Variants in SULT4A1 observed in about 807,000 individuals in gnomAD.
The protein encoded by SULT4A1 is sulfotransferase family 4A member 1, also known as sulfotransferase 4A1.
Under a neutral mutation model 35.2 loss-of-function variants are expected in SULT4A1, and 11 were observed. The observed-to-expected ratio is 0.31, with a 90% CI of 0.20 to 0.52. The LOEUF is 0.52. Among genes scored for constraint, SULT4A1 ranks in the 20% least tolerant of loss-of-function variants. The pLI, the probability that SULT4A1 is intolerant of heterozygous loss-of-function variation, is 0.97. For synonymous variants in SULT4A1, 152 were observed against 151.8 expected, an observed-to-expected ratio of 1.00 and a Z score of -0.01; for missense variants, 271 against 383.7, an observed-to-expected ratio of 0.71 and a Z score of 2.45.
chr22:43,856,482 TGGA>T (rs1251084764), intron 1 of SULT4A1, among the ~76,000 whole-genome samples: 2 of 152,080 alleles, frequency 1.3e-5, no homozygotes, highest in Non-Finnish European at 2.9e-5. Context: ...CCCAGCAACA[TGGA>T]GCCTGCAGAA....
intron 1 of SULT4A1, among the ~76,000 whole-genome samples, chr22:43,860,989 G>C (rs975630377): frequency 6.6e-6 from 1 of 152,168 alleles, no homozygotes; most frequent in Non-Finnish European, 1.5e-5. Context: ...GTCCCTCACA[G>C]ATTAACAGCG....
intron 1 of SULT4A1, among the ~76,000 whole-genome samples, chr22:43,851,439 C>T (rs569088274): frequency 1.3e-5 from 2 of 152,252 alleles, no homozygotes; most frequent in East Asian, 3.9e-4. Flanking sequence ...AGACTCGCTA[C>T]CTGGTGATCT....
chr22:43,829,449 G>A (rs1275498444), intron 5 of SULT4A1, among the ~76,000 whole-genome samples: 1 of 152,224 alleles, frequency 6.6e-6, no homozygotes, highest in Non-Finnish European at 1.5e-5. Flanking sequence ...GCAGACATGA[G>A]GTCTTAATAG....
chr22:43,844,628 C>A (rs945960209), intron 1 of SULT4A1, among the ~76,000 whole-genome samples: 1 of 152,244 alleles, frequency 6.6e-6, no homozygotes, highest in African/African-American at 2.4e-5. Context: ...GAGCTCTGCA[C>A]ACCTGGTGCG....
At chr22:43,848,561 C>G (rs908884842) in intron 1 of SULT4A1, among the ~76,000 whole-genome samples, 2 of 152,228 alleles carry the variant, frequency 1.3e-5, no homozygotes, top group Non-Finnish European at 2.9e-5. Context: ...GGAAACAAGG[C>G]ACTGGGAAGT....
At chr22:43,842,975 ATCTCTCTC>A (rs695712) in intron 1 of SULT4A1, among the ~76,000 whole-genome samples, 2,389 of 144,582 alleles carry the variant, frequency 0.017, 30 homozygotes, top group Middle Eastern at 0.024. Context: ...AGTAAACAGC[ATCTCTCTC>A]TCTCTCTCTC....
In SULT4A1 at chr22:43,831,126, C is replaced by T. The variant is rs146433741; in HGVS notation, c.604-1928G>A. 2.5e-3 allele frequency among the ~76,000 whole-genome samples: 380 copies of T among 152,282 alleles called. 2 individuals are homozygous for T. The highest frequency in any genetic ancestry group is 0.014 in the Middle Eastern group (4 of 294). ...GCAGGGCTGGTGGCCTTGACCCTGA[C>T]GGACTGAAAGCAACAGGTCTGACCA... On this transcript the variant is annotated intron_variant, in intron 5 of 6. Coordinates refer to ENST00000330884, the MANE Select transcript of SULT4A1 (RefSeq NM_014351.4).
chr22:43,830,652 G>T (rs1213575434), intron 5 of SULT4A1, among the ~76,000 whole-genome samples: 1 of 152,262 alleles, frequency 6.6e-6, no homozygotes, highest in Non-Finnish European at 1.5e-5. Context: ...CACGGTTGCA[G>T]TCAGGGCACC....
At position 43,841,622 on chromosome 22, in the gene SULT4A1, C is replaced by T. The variant is rs966234648; in HGVS notation, c.300+180G>A. On this transcript the variant is annotated intron_variant, in intron 2 of 6. Coordinates refer to ENST00000330884, the MANE Select transcript of SULT4A1 (RefSeq NM_014351.4). ...CTCCCTGACGCTGATGTGTCACCCA[C>T]GCCCTCATCGGGTTCCAGGTCACTG... Among the ~76,000 whole-genome samples the T allele has an allele frequency of 5.9e-5, 9 of 152,146 alleles. No individual in the cohort carries two copies. In the East Asian group the frequency reaches 9.7e-4, roughly 16 times the overall value.
intron 1 of SULT4A1, among the ~76,000 whole-genome samples, chr22:43,861,698 A>C (rs1427465530): frequency 6.6e-6 from 1 of 152,208 alleles, no homozygotes; most frequent in African/African-American, 2.4e-5. Flanking sequence ...CCAGGCGGGG[A>C]CTGGTCCCAT....
At chr22:43,839,885 G>T in intron 3 of SULT4A1, 60 bp downstream of exon 3, 1 of 1,498,402 alleles carries the variant, frequency 6.7e-7, no homozygotes. Context: ...TATTGCACAG[G>T]GACCTTGGGC....
intron 5 of SULT4A1, among the ~76,000 whole-genome samples, chr22:43,831,284 G>T (rs1049911797): frequency 1.3e-5 from 2 of 152,214 alleles, no homozygotes; most frequent in Non-Finnish European, 2.9e-5. Flanking sequence ...AGAAACTGCT[G>T]ACCCGGCAGC....
At chr22:43,835,385 G>A (rs1432337251) in intron 4 of SULT4A1, among the ~76,000 whole-genome samples, 1 of 152,238 alleles carries the variant, frequency 6.6e-6, no homozygotes, top group Non-Finnish European at 1.5e-5. Flanking sequence ...TGGGCAGTCG[G>A]GGGCTGGCGG....
At chr22:43,857,188 A>G (rs1219773379) in intron 1 of SULT4A1, among the ~76,000 whole-genome samples, 2 of 152,118 alleles carry the variant, frequency 1.3e-5, no homozygotes, top group South Asian at 4.1e-4. Flanking sequence ...CAGCAGAAGA[A>G]AGGAGCAGTT....
chr22:43,849,716 A>T (rs945818493), intron 1 of SULT4A1, among the ~76,000 whole-genome samples: 1 of 152,182 alleles, frequency 6.6e-6, no homozygotes, highest in Non-Finnish European at 1.5e-5. Flanking sequence ...ATGCAGCCTC[A>T]TTCCTCCTGG....
At chr22:43,829,025 G>A (rs2063307094) in intron 6 of SULT4A1, 35 bp downstream of exon 6, 5 of 1,492,312 alleles carry the variant, frequency 3.4e-6, no homozygotes, top group Non-Finnish European at 4.5e-6. Context: ...CTGGGGTGGG[G>A]AGTGCCTGGG....
At chr22:43,859,003 C>T (rs1243333524) in intron 1 of SULT4A1, among the ~76,000 whole-genome samples, 1 of 152,174 alleles carries the variant, frequency 6.6e-6, no homozygotes, top group East Asian at 1.9e-4. Flanking sequence ...AGAACAGCCA[C>T]CCTGGCTTGT....
intron 4 of SULT4A1, among the ~76,000 whole-genome samples, chr22:43,837,920 C>T (rs1308329335): frequency 2.0e-5 from 3 of 152,232 alleles, no homozygotes; most frequent in Non-Finnish European, 4.4e-5. Flanking sequence ...GCATCACTTC[C>T]GTTGGGAAAT....
chr22:43,860,008 C>G (rs551863655), intron 1 of SULT4A1, among the ~76,000 whole-genome samples: 1 of 152,318 alleles, frequency 6.6e-6, no homozygotes, highest in East Asian at 1.9e-4. Flanking sequence ...AAATACCGGA[C>G]AGGAAGCGAA....
Sources: allele counts gnomAD v4.1 joint callset (sites outside exome capture counted in the v4.1 genomes callset), GRCh38; gene constraint gnomAD v4.1.1; transcripts MANE v1.5; gene names NCBI Gene and HGNC (gene_info 2026-07-23, HGNC 2026-07-21).